MMUT: variants seen among roughly 807,000 people sequenced by gnomAD.
MMUT encodes methylmalonyl-CoA mutase, mitochondrial.
MMUT carries 79 observed loss-of-function variants against 79.9 expected under a neutral mutation model. The observed-to-expected ratio is 0.99, with a 90% CI of 0.82 to 1.19. The LOEUF (loss-of-function observed/expected upper bound fraction) is 1.19. MMUT is among the 50% of genes most tolerant of loss of function. MMUT has a pLI of 0.00. For missense variants in MMUT, 860 were observed against 917.2 expected, an observed-to-expected ratio of 0.94 and a Z score of 0.81; for synonymous variants, 273 against 295.7, an observed-to-expected ratio of 0.92 and a Z score of 0.79.
chr6:49,438,333 G>A (rs1457196622), intron 11 of MMUT, among the ~76,000 whole-genome samples: 2 of 151,832 alleles, frequency 1.3e-5, no homozygotes, highest in African/African-American at 4.8e-5. Flanking sequence ...TTAGTAGAGA[G>A]TTAAAAAAAG....
At chr6:49,431,917 C>A in intron 12 of MMUT, 61 bp from the exon 13 acceptor site, 1 of 1,559,898 alleles carries the variant, frequency 6.4e-7, no homozygotes, top group Non-Finnish European at 8.8e-7. Context: ...GGAAATAAAA[C>A]CCTATCCTTT....
At chr6:49,447,362 A>C (rs780351839) in intron 8 of MMUT, among the ~76,000 whole-genome samples, 6 of 151,842 alleles carry the variant, frequency 4.0e-5, no homozygotes, top group Non-Finnish European at 7.4e-5. Context: ...TTAATCTATA[A>C]ATTATGGAAG....
intron 12 of MMUT, 82 bp from the exon 13 acceptor site, chr6:49,431,938 A>C (rs1484679263): frequency 1.3e-6 from 2 of 1,508,806 alleles, no homozygotes; most frequent in Non-Finnish European, 1.8e-6. Flanking sequence ...CTTCTTTGTC[A>C]CTCAATTACC....
In MMUT at chr6:49,451,606, T is replaced by G; in HGVS notation, c.1192A>C (p.Thr398Pro). The G allele has an allele frequency of 5.6e-6, 9 of 1,614,180 alleles. No homozygotes were observed. Among genetic ancestry groups the G allele is most frequent in the Non-Finnish European group, 7.6e-6 (9 of 1,180,018 alleles). ...NSFDEALGLP[T>P]VKSARIARNT... Reference sequence around the variant, plus strand: ...CTGGCAATTCGAGCACTTTTCACAGTTGGCAAACCCAAAGCTTCATCAAAA... The same window carrying G: ...CTGGCAATTCGAGCACTTTTCACAGGTGGCAAACCCAAAGCTTCATCAAAA... The change falls in exon 6 of 13, where the codon ACT becomes CCT. Residue 398 changes from threonine to proline, a missense_variant. Transcript: ENST00000274813.
intron 3 of MMUT, 29 bp downstream of exon 3, chr6:49,457,662 G>A (rs1324362376): frequency 5.7e-6 from 9 of 1,584,812 alleles, no homozygotes; most frequent in Non-Finnish European, 7.7e-6. Flanking sequence ...AGGAACTATA[G>A]AAAAACCTAT....
chr6:49,449,973 C>T (rs974791543), intron 6 of MMUT, among the ~76,000 whole-genome samples: 11 of 152,124 alleles, frequency 7.2e-5, no homozygotes, highest in African/African-American at 2.4e-4. Context: ...TGGCTCATGC[C>T]TGTAATCCCA....
Position 49,459,209 on chromosome 6 carries a change from T to C in MMUT, c.258A>G (p.Pro86=), listed in dbSNP as rs761026696. ...RDTMDLPEEL[P]GVKPFTRGPY... The stretch of plus-strand genomic sequence containing the variant: ...GTCCACGTGTGAATGGCTTCACTCC[T>C]GGAAGTTCTTCAGGTAAGTCCATAG... Residue 86 remains proline (P), a synonymous_variant, in exon 2 of 13, where the codon CCA becomes CCG. Coordinates refer to ENST00000274813, the MANE Select transcript of MMUT (RefSeq NM_000255.4). 2 of 1,614,222 alleles carry C rather than the reference T, an allele frequency of 1.2e-6. No individual in the cohort carries two copies. The highest frequency in any genetic ancestry group is 4.5e-5 in the East Asian group (2 of 44,874).
At chr6:49,443,788 C>T (rs945703612) in intron 9 of MMUT, 8 of 438,296 alleles carry the variant, frequency 1.8e-5, no homozygotes, top group Non-Finnish European at 3.7e-5. Context: ...CTTTACCTTG[C>T]CAAATATCGT....
rs939644837 is a variant in MMUT at position 49,453,856 on chromosome 6, T to C, written c.912-100A>G. 4.8e-6 allele frequency: 5 copies of C among 1,041,068 alleles called. No individual in the cohort carries two copies. In the African/African-American group the frequency reaches 8.0e-5, roughly 17 times the overall value. 64.5% of individuals were successfully genotyped at this position (1,041,068 alleles called of 1,614,324 possible). On this transcript the variant is annotated intron_variant, in intron 4 of 12. Coordinates refer to ENST00000274813, the MANE Select transcript of MMUT (RefSeq NM_000255.4). ...ACACACTAGAAAATCAAGGTCTATA[T>C]TTTAATTTCGAAGAACTTAATTTGA...
chr6:49,436,576 G>C (rs868296862), intron 11 of MMUT, among the ~76,000 whole-genome samples: 12 of 148,484 alleles, frequency 8.1e-5, no homozygotes, highest in African/African-American at 3.0e-4. Flanking sequence ...CTGCACTCCA[G>C]CATGGATGAA....
chr6:49,446,836 C>A, intron 8 of MMUT, among the ~76,000 whole-genome samples: 1 of 150,648 alleles, frequency 6.6e-6, no homozygotes. Flanking sequence ...AAGGGTTTTC[C>A]AAAAATAAAT....
intron 12 of MMUT, 24 bp downstream of exon 12, chr6:49,435,432 T>C (rs1767094908): frequency 2.5e-6 from 4 of 1,598,474 alleles, no homozygotes; most frequent in African/African-American, 2.7e-5. Context: ...ATCACAGTAC[T>C]AGAAAAATAG....
At chr6:49,451,086 A>G (rs1280379423) in intron 6 of MMUT, among the ~76,000 whole-genome samples, 4 of 152,154 alleles carry the variant, frequency 2.6e-5, no homozygotes, top group Admixed American at 6.6e-5. Context: ...TACAAGAAAT[A>G]GTATACATGT....
intron 2 of MMUT, 88 bp downstream of exon 2, chr6:49,458,994 C>T: frequency 2.3e-6 from 3 of 1,305,648 alleles, no homozygotes; most frequent in Non-Finnish European, 3.2e-6. Context: ...GAGTGAATAT[C>T]ATCTTTACAG....
chr6:49,439,498 G>C (rs1046566536), intron 11 of MMUT, among the ~76,000 whole-genome samples: 8 of 152,148 alleles, frequency 5.3e-5, no homozygotes, highest in Non-Finnish European at 1.2e-4. Context: ...CAGCAGCCTG[G>C]ACCTGTTGCA....
chr6:49,458,181 T>C (rs751883698), intron 2 of MMUT, 123 bp from the exon 3 acceptor site: 342 of 983,132 alleles, frequency 3.5e-4, no homozygotes, highest in Non-Finnish European at 4.6e-4. Flanking sequence ...TAACAACTAT[T>C]TTTATGCTCA....
At chr6:49,440,374 T>A (rs371665665) in intron 10 of MMUT, 21 bp from the exon 11 acceptor site, 9 of 1,610,632 alleles carry the variant, frequency 5.6e-6, no homozygotes, top group African/African-American at 1.3e-5. Flanking sequence ...TTTAAAAATA[T>A]ATCAGTAGTT....
chr6:49,443,024 A>AT (rs887294127), intron 9 of MMUT, among the ~76,000 whole-genome samples: 3 of 148,804 alleles, frequency 2.0e-5, no homozygotes, highest in Admixed American at 1.3e-4. Flanking sequence ...AAAGCAACAT[A>AT]TTTTTTTAAA....
intron 1 of MMUT, among the ~76,000 whole-genome samples, chr6:49,461,792 A>G (rs1767852147): frequency 6.6e-6 from 1 of 151,946 alleles, no homozygotes; most frequent in Non-Finnish European, 1.5e-5. Context: ...AAAACCTTCC[A>G]TTTTTTTAAT....
Sources: gnomAD v4.1 joint callset for allele counts (sites outside exome capture counted in the v4.1 genomes callset) on GRCh38, gnomAD v4.1.1 for gene constraint, MANE v1.5 for transcripts, NCBI Gene and HGNC (gene_info 2026-07-23, HGNC 2026-07-21) for gene names.